Variants in PPP2R5D observed in about 807,000 individuals in gnomAD.
PPP2R5D encodes the protein serine/threonine-protein phosphatase 2A 56 kDa regulatory subunit delta isoform.
Under a neutral mutation model 79.1 loss-of-function variants are expected in PPP2R5D, and 12 were observed. The ratio of observed to expected loss-of-function variants is 0.15; its 90% CI spans 0.10 to 0.25. The LOEUF is 0.25. PPP2R5D is among the 10% of genes least tolerant of loss of function. PPP2R5D has a pLI of 1.00. For missense variants in PPP2R5D, 419 were observed against 760.2 expected (o/e 0.55, Z 5.28); for synonymous variants, 277 against 286.6 (o/e 0.97, Z 0.34).
Position 42,994,263 on chromosome 6 carries a change from T to C in PPP2R5D, c.105+4575T>C, listed in dbSNP as rs536563486. On this transcript the variant is annotated intron_variant, in intron 2 of 15. Transcript: ENST00000485511. ...TGAGATTGTGCCACTGCACTCCAGCTTGGGGGAGAGAGCAAGACTCTTGTC... is the reference window on the plus strand; with the variant it reads ...TGAGATTGTGCCACTGCACTCCAGCCTGGGGGAGAGAGCAAGACTCTTGTC... Among the ~76,000 whole-genome samples the C allele has an allele frequency of 1.7e-4, 26 of 152,044 alleles. No homozygotes were observed. In the East Asian group the frequency reaches 5.1e-3, roughly 30 times the overall value.
At chr6:42,992,223 C>G (rs959739032) in intron 2 of PPP2R5D, among the ~76,000 whole-genome samples, 1 of 152,134 alleles carries the variant, frequency 6.6e-6, no homozygotes, top group East Asian at 1.9e-4. Context: ...CCACGCCTGG[C>G]TAATTTTTTG....
chr6:42,985,779 T>TC (rs1561836383), intron 1 of PPP2R5D, among the ~76,000 whole-genome samples: 2 of 150,200 alleles, frequency 1.3e-5, no homozygotes, highest in African/African-American at 4.9e-5. Context: ...CCATTTCTTT[T>TC]TTTTTTTTTT....
At chr6:43,011,077 A>T (rs1041958328) in intron 15 of PPP2R5D, 72 bp from the exon 16 acceptor site, 7 of 1,611,488 alleles carry the variant, frequency 4.3e-6, no homozygotes, top group Non-Finnish European at 5.1e-6. Context: ...GAGCCAAAGA[A>T]TAAGGGGACG....
intron 2 of PPP2R5D, among the ~76,000 whole-genome samples, chr6:42,990,961 C>T (rs1380657482): frequency 6.6e-6 from 1 of 152,136 alleles, no homozygotes; most frequent in Non-Finnish European, 1.5e-5. Flanking sequence ...ATCCACCCGC[C>T]TCAGCCTCCC....
chr6:43,011,442 C>T lies in PPP2R5D; in HGVS notation c.*156C>T, dbSNP rs577053498. ...TGTGGGCACTTGAAGCAGGGACACCCACAGAATGGTCCCTCTTCTCCCCAA... is the reference window on the plus strand; with the variant it reads ...TGTGGGCACTTGAAGCAGGGACACCTACAGAATGGTCCCTCTTCTCCCCAA... On this transcript the variant is annotated 3_prime_UTR_variant, in exon 16 of 16. Coordinates refer to ENST00000485511, the MANE Select transcript of PPP2R5D (RefSeq NM_006245.4). 1.0e-6 allele frequency: 1 copy of T among 1,000,620 alleles called. No individual in the cohort carries two copies. Among genetic ancestry groups the T allele is most frequent in the South Asian group, 1.7e-5 (1 of 59,752 alleles). The allele number at this position is 1,000,620 out of a possible 1,614,324, so 62.0% of individuals were successfully genotyped here.
chr6:42,984,736 C>A, intron 1 of PPP2R5D, 32 bp downstream of exon 1: 1 of 1,611,542 alleles, frequency 6.2e-7, no homozygotes, highest in South Asian at 1.1e-5. Flanking sequence ...CCACCGCCGC[C>A]TTGGAGCCTG....
intron 2 of PPP2R5D, among the ~76,000 whole-genome samples, chr6:42,990,677 T>C (rs189352070): frequency 2.0e-5 from 3 of 149,230 alleles, no homozygotes; most frequent in Admixed American, 2.0e-4. Flanking sequence ...TATTCTTTCC[T>C]CTGCACTTAT....
At chr6:43,001,361 A>T (rs1195367874) in intron 2 of PPP2R5D, among the ~76,000 whole-genome samples, 6 of 151,076 alleles carry the variant, frequency 4.0e-5, no homozygotes, top group Non-Finnish European at 8.9e-5. Flanking sequence ...CTGGTCTTGA[A>T]CTCCCAACCT....
At chr6:42,992,160 C>T (rs540388123) in intron 2 of PPP2R5D, among the ~76,000 whole-genome samples, 243 of 152,274 alleles carry the variant, frequency 1.6e-3, no homozygotes, top group African/African-American at 5.6e-3. Context: ...CCTGGATTCA[C>T]GCCATTCTCC....
chr6:42,995,126 C>CTTTTTTTTTTTTTTTTTTTTTTT lies in PPP2R5D; in HGVS notation c.105+5459_105+5460insTTTTTTTTTTTTTTTTTTTTTTT, dbSNP rs889250251. ...TTGTGTCCCACCGAACTTTTTCTTT[C>CTTTTTTTTTTTTTTTTTTTTTTT]TTTTTTTTTTTTTTTTTTTTTGGAG... On this transcript the variant is annotated intron_variant, in intron 2 of 15. Transcript: ENST00000485511. 5.5e-4 allele frequency among the ~76,000 whole-genome samples: 58 copies of CTTTTTTTTTTTTTTTTTTTTTTT among 106,344 alleles called. 1 individual carries two copies. Among genetic ancestry groups the CTTTTTTTTTTTTTTTTTTTTTTT allele is most frequent in the Non-Finnish European group, 7.1e-4 (39 of 54,952 alleles). The allele number at this position is 106,344 out of a possible 152,430, so 69.8% of individuals were successfully genotyped here.
chr6:42,997,259 C>G (rs1199809260), intron 2 of PPP2R5D, among the ~76,000 whole-genome samples: 1 of 151,976 alleles, frequency 6.6e-6, no homozygotes, highest in African/African-American at 2.4e-5. Context: ...ATGGCGTGAT[C>G]TCAGCTCACT....
At chr6:42,993,068 G>A (rs896690365) in intron 2 of PPP2R5D, among the ~76,000 whole-genome samples, 7 of 150,810 alleles carry the variant, frequency 4.6e-5, no homozygotes, top group East Asian at 2.0e-4. Flanking sequence ...AGGCCGAGGC[G>A]GGTGGATCAC....
In PPP2R5D at chr6:43,010,351, G is replaced by A. The variant is rs977813142; in HGVS notation, c.1380-117G>A. ...GATACTGCACAGAGGTTTGTGAACT[G>A]GAAGTAGTAAATGACAAAGCTCTTA... On this transcript the variant is annotated intron_variant, in intron 12 of 15. Transcript: ENST00000485511. The surrounding 1 kb of genome is among the most constrained non-coding windows in gnomAD (Gnocchi z 4.7). The A allele has an allele frequency of 9.0e-5, 72 of 798,702 alleles. No individual in the cohort carries two copies. The highest frequency in any genetic ancestry group is 1.7e-5 in the African/African-American group (1 of 58,474). 49.5% of individuals were successfully genotyped at this position (798,702 alleles called of 1,614,324 possible).
At chr6:42,989,579 C>T in intron 1 of PPP2R5D, 32 bp from the exon 2 acceptor site, 1 of 1,562,526 alleles carries the variant, frequency 6.4e-7, no homozygotes, top group Non-Finnish European at 8.8e-7. Context: ...CTCCTGGCAT[C>T]TGCTAACTTT....
intron 1 of PPP2R5D, 105 bp downstream of exon 1, chr6:42,984,809 AG>A (rs1476609796): frequency 4.6e-6 from 7 of 1,506,080 alleles, no homozygotes; most frequent in Non-Finnish European, 6.2e-6. Flanking sequence ...CCTCCCGTCC[AG>A]CCCCCGCAGG....
intron 15 of PPP2R5D, 41 bp downstream of exon 15, chr6:43,011,038 T>C (rs1254634559): frequency 6.2e-7 from 1 of 1,608,392 alleles, no homozygotes; most frequent in African/African-American, 1.3e-5. Context: ...AAATAATAGC[T>C]CTGGAAGGGA....
chr6:43,000,565 T>C (rs1772109962), intron 2 of PPP2R5D, among the ~76,000 whole-genome samples: 1 of 152,296 alleles, frequency 6.6e-6, no homozygotes, highest in East Asian at 1.9e-4. Context: ...GCAGAAAACA[T>C]TGAGGCCTTC....
Position 43,007,139 on chromosome 6 carries a change from A to G in PPP2R5D, c.522+29A>G, listed in dbSNP as rs772373652. ...GGCACAGGGAAAGGACACAGGGGGG[A>G]CTGGTGAGGGGCTCTGGAGAAGCCC... On this transcript the variant is annotated intron_variant, in intron 4 of 15. Coordinates refer to ENST00000485511, the MANE Select transcript of PPP2R5D (RefSeq NM_006245.4). This position sits in a 1 kb window ranked among gnomAD's most constrained non-coding sequence, Gnocchi z 4.5. 1 of 1,613,970 alleles carries G rather than the reference A, an allele frequency of 6.2e-7. No individual in the cohort carries two copies. Among genetic ancestry groups the G allele is most frequent in the South Asian group, 1.1e-5 (1 of 91,054 alleles).
rs1762280651 is a variant in PPP2R5D, at chr6:43,010,112, C to A, written c.1380-356C>A. ...TTTGAAAAGACTTTTCTGCTAAAAG[C>A]AAGCACACTGTGGTGTAGATGCAGT... On this transcript the variant is annotated intron_variant, in intron 12 of 15. Transcript: ENST00000485511. The surrounding 1 kb of genome is among the most constrained non-coding windows in gnomAD (Gnocchi z 4.7). Among the ~76,000 whole-genome samples the A allele has an allele frequency of 2.6e-5, 4 of 152,142 alleles. No homozygotes were observed. In the South Asian group the frequency reaches 8.3e-4, roughly 32 times the overall value.
Sources: allele counts gnomAD v4.1 joint callset (sites outside exome capture counted in the v4.1 genomes callset), GRCh38; gene constraint gnomAD v4.1.1; non-coding constraint Gnocchi (gnomAD v3.1); transcripts MANE v1.5; gene names NCBI Gene and HGNC (gene_info 2026-07-23, HGNC 2026-07-21).